Variants in BBS9 observed in about 807,000 individuals in gnomAD.
BBS9 encodes the protein protein PTHB1.
In BBS9, 89 loss-of-function variants were observed where a neutral mutation model predicts 117.7. The observed-to-expected ratio is 0.76, with a 90% confidence interval of 0.64 to 0.90. The LOEUF is 0.90. BBS9 is among the 40% of genes least tolerant of loss of function. The probability of loss-of-function intolerance (pLI) is 0.00; values close to 1 mark genes in which losing one functional copy is unlikely to be tolerated. For synonymous variants in BBS9, 379 were observed against 370.9 expected, an observed-to-expected ratio of 1.02 and a Z score of -0.25; for missense variants, 982 against 1,042.2, an observed-to-expected ratio of 0.94 and a Z score of 0.80.
At chr7:33,383,867 A>G (rs1584589672) in intron 18 of BBS9, 29 bp downstream of exon 18, 1 of 1,596,586 alleles carries the variant, frequency 6.3e-7, no homozygotes, top group Non-Finnish European at 8.6e-7. Context: ...CACATCATCT[A>G]TAATCCTTAA....
At chr7:33,317,357 A>G (rs190362750) in intron 9 of BBS9, among the ~76,000 whole-genome samples, 64 of 152,016 alleles carry the variant, frequency 4.2e-4, no homozygotes, top group African/African-American at 1.4e-3. Flanking sequence ...ATTTTTGTAG[A>G]AAGTGTAGAA....
chr7:33,588,306 A>G (rs1474292489), intron 21 of BBS9, among the ~76,000 whole-genome samples: 1 of 152,144 alleles, frequency 6.6e-6, no homozygotes, highest in Non-Finnish European at 1.5e-5. Flanking sequence ...GGGGGAGTAG[A>G]AAGAAGAGAT....
At chr7:33,455,486 A>T (rs1838508198) in intron 19 of BBS9, among the ~76,000 whole-genome samples, 1 of 152,210 alleles carries the variant, frequency 6.6e-6, no homozygotes, top group Non-Finnish European at 1.5e-5. Context: ...TTGACAAGTT[A>T]TCCCTTCTTC....
chr7:33,188,549 A>T (rs536100239), intron 5 of BBS9, among the ~76,000 whole-genome samples: 1 of 152,334 alleles, frequency 6.6e-6, no homozygotes, highest in East Asian at 1.9e-4. Flanking sequence ...GGGTAGGGAT[A>T]AGAAGAGGAA....
intron 19 of BBS9, among the ~76,000 whole-genome samples, chr7:33,458,675 T>C (rs1290597960): frequency 6.6e-6 from 1 of 152,168 alleles, no homozygotes; most frequent in Non-Finnish European, 1.5e-5. Context: ...GTTAATTGTA[T>C]GTTCCTGTTT....
intron 19 of BBS9, among the ~76,000 whole-genome samples, chr7:33,400,402 C>A (rs1828712263): frequency 6.6e-6 from 1 of 152,072 alleles, no homozygotes; most frequent in Admixed American, 6.6e-5. Context: ...ATGAGGATTT[C>A]TTTCATTTCT....
chr7:33,237,550 G>A (rs1793738060), intron 5 of BBS9, among the ~76,000 whole-genome samples: 1 of 152,116 alleles, frequency 6.6e-6, no homozygotes, highest in African/African-American at 2.4e-5. Flanking sequence ...AGTGGTATGT[G>A]TTGATCTTGT....
At chr7:33,339,438 A>G (rs1816061191) in intron 10 of BBS9, among the ~76,000 whole-genome samples, 1 of 152,210 alleles carries the variant, frequency 6.6e-6, no homozygotes, top group Non-Finnish European at 1.5e-5. Flanking sequence ...GGGATGGGCA[A>G]TGAACAGCCA....
At chr7:33,214,988 C>T (rs1013565511) in intron 5 of BBS9, among the ~76,000 whole-genome samples, 3 of 152,140 alleles carry the variant, frequency 2.0e-5, no homozygotes, top group Non-Finnish European at 4.4e-5. Context: ...GTCAGGAGAT[C>T]GAGGCCATCC....
In BBS9 at chr7:33,239,457, T is replaced by G. The variant is rs568770106; in HGVS notation, c.443-17779T>G. On this transcript the variant is annotated intron_variant, in intron 5 of 22. Transcript: ENST00000242067. ...ACAGAGTCTTGCTCTGTCACCAGGC[T>G]GGAGTGCAGTGGTGCAATCTCGGCT... 2.0e-4 allele frequency among the ~76,000 whole-genome samples: 31 copies of G among 152,128 alleles called. 1 individual carries two copies. The South Asian group carries it at 4.6e-3, about 22-fold the overall frequency.
At chr7:33,184,603 T>G (rs532762623) in intron 5 of BBS9, among the ~76,000 whole-genome samples, 1 of 152,296 alleles carries the variant, frequency 6.6e-6, no homozygotes, top group South Asian at 2.1e-4. Context: ...TTAAATCTTC[T>G]AAGTTGGGCC....
intron 21 of BBS9, among the ~76,000 whole-genome samples, chr7:33,585,318 A>G (rs1469244092): frequency 6.6e-6 from 1 of 152,112 alleles, no homozygotes; most frequent in African/African-American, 2.4e-5. Flanking sequence ...GGTGTTGAGG[A>G]TATGGAGTAT....
intron 19 of BBS9, among the ~76,000 whole-genome samples, chr7:33,445,268 T>G (rs1450772869): frequency 6.6e-6 from 1 of 152,212 alleles, no homozygotes; most frequent in Non-Finnish European, 1.5e-5. Context: ...TGTGCTAATA[T>G]TCCTATTAGA....
intron 19 of BBS9, among the ~76,000 whole-genome samples, chr7:33,443,479 C>T (rs1478069638): frequency 6.6e-6 from 1 of 151,996 alleles, no homozygotes; most frequent in Non-Finnish European, 1.5e-5. Flanking sequence ...TAAAAATTGT[C>T]TCTCAAGGAC....
chr7:33,357,732 A>G, intron 15 of BBS9, 123 bp from the exon 16 acceptor site: 1 of 996,166 alleles, frequency 1.0e-6, no homozygotes, highest in Non-Finnish European at 1.6e-6. Context: ...AGCTTTGTTA[A>G]GCAAAATAGG....
At chr7:33,409,074 C>T (rs911983435) in intron 19 of BBS9, among the ~76,000 whole-genome samples, 3 of 151,908 alleles carry the variant, frequency 2.0e-5, no homozygotes, top group East Asian at 1.9e-4. Context: ...CTTGTTGATT[C>T]GTTTACATTC....
At chr7:33,180,051 T>G (rs1012717860) in intron 5 of BBS9, among the ~76,000 whole-genome samples, 4 of 152,204 alleles carry the variant, frequency 2.6e-5, no homozygotes, top group African/African-American at 9.6e-5. Context: ...GGTTGCCTGC[T>G]TTGACCTCAG....
At chr7:33,240,291 T>C (rs1169784804) in intron 5 of BBS9, among the ~76,000 whole-genome samples, 1 of 150,970 alleles carries the variant, frequency 6.6e-6, no homozygotes, top group Non-Finnish European at 1.5e-5. Context: ...AGGATCTTGC[T>C]ATGTCACCCA....
intron 19 of BBS9, among the ~76,000 whole-genome samples, chr7:33,500,239 G>A (rs569124000): frequency 1.3e-5 from 2 of 152,318 alleles, no homozygotes; most frequent in African/African-American, 4.8e-5. Context: ...TGGATGTAAT[G>A]TATTAGTAGT....
Sources: gnomAD v4.1 joint callset for allele counts (sites outside exome capture counted in the v4.1 genomes callset) on GRCh38, gnomAD v4.1.1 for gene constraint, MANE v1.5 for transcripts, NCBI Gene and HGNC (gene_info 2026-07-23, HGNC 2026-07-21) for gene names.